The following SNTB2 variants were observed in gnomAD, a reference collection of about 807,000 sequenced individuals.
SNTB2 encodes syntrophin beta 2.
SNTB2 carries 34 observed loss-of-function variants against 46.2 expected under a neutral mutation model. That is an observed-to-expected ratio of 0.74 (90% CI 0.56 to 0.98). The LOEUF is 0.98. Ranked by LOEUF, SNTB2 falls within the 50% of genes least tolerant of loss-of-function variation. SNTB2 has a pLI of 0.00. For missense variants in SNTB2, 603 were observed against 731.4 expected (o/e 0.82, Z 2.02); for synonymous variants, 290 against 312.6 (o/e 0.93, Z 0.76).
At chr16:69,292,076 G>A (rs184330369) in intron 5 of SNTB2, among the ~76,000 whole-genome samples, 4 of 150,922 alleles carry the variant, frequency 2.7e-5, no homozygotes, top group South Asian at 2.1e-4. Context: ...AAAATTAGCC[G>A]GGTGTGGTGG....
intron 2 of SNTB2, among the ~76,000 whole-genome samples, chr16:69,247,353 G>A (rs1964680844): frequency 1.3e-5 from 2 of 152,136 alleles, no homozygotes; most frequent in African/African-American, 2.4e-5. Context: ...CTGGTAGACC[G>A]AATGTTAGGT....
chr16:69,252,677 C>T (rs1964737682), intron 2 of SNTB2, among the ~76,000 whole-genome samples: 1 of 152,118 alleles, frequency 6.6e-6, no homozygotes, highest in Non-Finnish European at 1.5e-5. Context: ...TCCTGTGTAC[C>T]TAAACATTGA....
intron 2 of SNTB2, among the ~76,000 whole-genome samples, chr16:69,247,439 T>A (rs1245103821): frequency 6.6e-6 from 1 of 152,164 alleles, no homozygotes; most frequent in African/African-American, 2.4e-5. Flanking sequence ...TTATAATGTG[T>A]TTTCACTATT....
chr16:69,267,864 A>G (rs1313998706), intron 3 of SNTB2, among the ~76,000 whole-genome samples: 1 of 152,208 alleles, frequency 6.6e-6, no homozygotes, highest in African/African-American at 2.4e-5. Flanking sequence ...TCTGAAGGCA[A>G]CACTCTAACC....
At chr16:69,187,773 G>GGGCC in intron 1 of SNTB2, 27 bp downstream of exon 1, 1 of 331,854 alleles carries the variant, frequency 3.0e-6, no homozygotes, top group Non-Finnish European at 5.5e-6. Flanking sequence ...GGGAGGGTGG[G>GGGCC]CAGGCCGCGG....
chr16:69,256,324 T>G (rs1964775715), intron 2 of SNTB2, among the ~76,000 whole-genome samples: 1 of 152,102 alleles, frequency 6.6e-6, no homozygotes, highest in Admixed American at 6.6e-5. Flanking sequence ...CTTGGCCTAA[T>G]TTTTTTTAAA....
At position 69,187,405 on chromosome 16, in the gene SNTB2, G is replaced by A. The variant is rs1964000042; in HGVS notation, c.239G>A (p.Gly80Asp). The change falls in exon 1 of 7, where the codon GGC (glycine) becomes GAC (aspartate). Residue 80 changes from glycine to aspartate, a missense_variant. Gly to Asp is a moderately conservative substitution (Grantham distance 94). Coordinates refer to ENST00000336278, the MANE Select transcript of SNTB2 (RefSeq NM_006750.4). Reference sequence around the variant, plus strand: ...GGCCTCCCAAACGGCGGCGGCGCGGGCGACTCGCTGCCCGGGAGCCCAAGC... The same window carrying A: ...GGCCTCCCAAACGGCGGCGGCGCGGACGACTCGCTGCCCGGGAGCCCAAGC... ...FNGLPNGGGA[G>D]DSLPGSPSRG... The A allele has an allele frequency of 7.9e-7, 1 of 1,261,520 alleles. No homozygotes were observed. The highest frequency in any genetic ancestry group is 9.9e-7 in the Non-Finnish European group (1 of 1,007,010). 78.1% of individuals were successfully genotyped at this position (1,261,520 alleles called of 1,614,324 possible). A position where few individuals can be genotyped will look rare whatever the true frequency, so the allele number is the denominator to read the frequency against.
chr16:69,193,818 C>T (rs944891489), intron 1 of SNTB2, among the ~76,000 whole-genome samples: 2 of 152,120 alleles, frequency 1.3e-5, no homozygotes, highest in Admixed American at 6.5e-5. Context: ...AGCTGCGCCT[C>T]AGAAATGTCA....
At chr16:69,210,999 A>G (rs899987417) in intron 1 of SNTB2, among the ~76,000 whole-genome samples, 3 of 151,990 alleles carry the variant, frequency 2.0e-5, no homozygotes, top group African/African-American at 7.2e-5. Flanking sequence ...TCAAAAATAT[A>G]TATATATTTT....
intron 5 of SNTB2, among the ~76,000 whole-genome samples, chr16:69,296,032 CA>C (rs1965219774): frequency 1.3e-5 from 2 of 151,590 alleles, no homozygotes; most frequent in Non-Finnish European, 2.9e-5. Flanking sequence ...GTAATCCCAG[CA>C]TTTTAGGAGG....
chr16:69,206,704 A>T (rs1383382085), intron 1 of SNTB2, among the ~76,000 whole-genome samples: 1 of 151,732 alleles, frequency 6.6e-6, no homozygotes. Flanking sequence ...AAAGAAAAAA[A>T]AAAAAAGAAA....
intron 4 of SNTB2, among the ~76,000 whole-genome samples, chr16:69,278,771 T>C (rs1965006254): frequency 6.6e-6 from 1 of 152,198 alleles, no homozygotes; most frequent in Non-Finnish European, 1.5e-5. Flanking sequence ...TGCAGTCTTA[T>C]GTATTCCCTA....
At chr16:69,228,505 C>CAA (rs778681180) in intron 1 of SNTB2, among the ~76,000 whole-genome samples, 2,826 of 48,672 alleles carry the variant, frequency 0.058, 113 homozygotes, top group African/African-American at 0.097. Flanking sequence ...GACTCTATCT[C>CAA]AAAAAAAAAA....
intron 3 of SNTB2, among the ~76,000 whole-genome samples, chr16:69,269,868 A>G (rs1256848218): frequency 6.6e-6 from 1 of 152,210 alleles, no homozygotes; most frequent in Non-Finnish European, 1.5e-5. Flanking sequence ...TCAAAAAAAG[A>G]AAAAACAGAA....
At chr16:69,224,390 G>A (rs1964438540) in intron 1 of SNTB2, among the ~76,000 whole-genome samples, 2 of 151,508 alleles carry the variant, frequency 1.3e-5, no homozygotes, top group Admixed American at 6.6e-5. Context: ...TTTTTGTATC[G>A]TTAGTAGAGA....
chr16:69,208,839 CAA>C (rs71148972), intron 1 of SNTB2, among the ~76,000 whole-genome samples: 13 of 139,838 alleles, frequency 9.3e-5, no homozygotes, highest in Admixed American at 1.4e-4. Context: ...ACTAAAAATA[CAA>C]AAAAAAAAAA....
chr16:69,211,632 C>T (rs966618839), intron 1 of SNTB2, among the ~76,000 whole-genome samples: 2 of 151,516 alleles, frequency 1.3e-5, no homozygotes, highest in African/African-American at 2.4e-5. Context: ...GTTTGTTTTA[C>T]GTGGATTTAT....
chr16:69,220,883 T>G (rs545113297), intron 1 of SNTB2, among the ~76,000 whole-genome samples: 23 of 152,252 alleles, frequency 1.5e-4, no homozygotes, highest in African/African-American at 4.8e-4. Context: ...TCACCACAAT[T>G]AAGATACATA....
chr16:69,283,387 T>C (rs1012796860), intron 4 of SNTB2, among the ~76,000 whole-genome samples: 3 of 152,330 alleles, frequency 2.0e-5, no homozygotes, highest in Admixed American at 2.0e-4. Flanking sequence ...GCCAAATAAT[T>C]CTAGAGTCAA....
Sources: gnomAD v4.1 joint callset for allele counts (sites outside exome capture counted in the v4.1 genomes callset) on GRCh38, gnomAD v4.1.1 for gene constraint, MANE v1.5 for transcripts, NCBI Gene and HGNC (gene_info 2026-07-23, HGNC 2026-07-21) for gene names.